Variants in TTLL11 observed in about 807,000 individuals in gnomAD.
TTLL11 encodes tubulin tyrosine ligase like 11.
A neutral mutation model predicts 51.7 loss-of-function variants in TTLL11; 42 were observed. That is an observed-to-expected ratio of 0.81 (90% CI 0.64 to 1.05). TTLL11 has a LOEUF of 1.05. Ranked by LOEUF, TTLL11 falls within the 50% of genes least tolerant of loss-of-function variation. The pLI, the probability that TTLL11 is intolerant of heterozygous loss-of-function variation, is 0.00. For missense variants in TTLL11, 799 were observed against 940.4 expected, an observed-to-expected ratio of 0.85 and a Z score of 1.97; for synonymous variants, 381 against 383.5, an observed-to-expected ratio of 0.99 and a Z score of 0.08.
chr9:121,892,455 T>C (rs1588101275), intron 6 of TTLL11, among the ~76,000 whole-genome samples: 1 of 152,140 alleles, frequency 6.6e-6, no homozygotes, highest in East Asian at 1.9e-4. Context: ...GAAAGGGGTT[T>C]CCCCTTATAA....
chr9:122,036,518 T>C (rs535182311), intron 2 of TTLL11, among the ~76,000 whole-genome samples: 1 of 152,022 alleles, frequency 6.6e-6, no homozygotes, highest in African/African-American at 2.4e-5. Flanking sequence ...ATTATTTTCA[T>C]AGAAAGTCTT....
chr9:121,839,769 A>G (rs7039454), intron 8 of TTLL11, among the ~76,000 whole-genome samples: 9,013 of 152,152 alleles, frequency 0.059, 744 homozygotes, highest in African/African-American at 0.19. Context: ...GGGGCCTTCT[A>G]GAATCTCCAG....
At chr9:121,909,577 C>T (rs1440718674) in intron 6 of TTLL11, among the ~76,000 whole-genome samples, 2 of 152,182 alleles carry the variant, frequency 1.3e-5, no homozygotes, top group East Asian at 3.8e-4. Flanking sequence ...CATTCGTCCT[C>T]CTTTGTTCAG....
chr9:121,997,370 C>A (rs1192124832), intron 3 of TTLL11, among the ~76,000 whole-genome samples: 1 of 152,140 alleles, frequency 6.6e-6, no homozygotes, highest in African/African-American at 2.4e-5. Flanking sequence ...CCCACTCCTT[C>A]CCCACAGTGC....
Position 121,900,023 on chromosome 9 carries a change from G to A in TTLL11, c.1482-29275C>T, listed in dbSNP as rs941883756. The stretch of plus-strand genomic sequence containing the variant: ...ACAGTAGCCAATGAGTGACAAGAAT[G>A]GCTCAAAAAGTACTTATGCCTAGTA... On this transcript the variant is annotated intron_variant, in intron 6 of 8. Transcript: ENST00000321582. 5.3e-5 allele frequency among the ~76,000 whole-genome samples: 8 copies of A among 152,302 alleles called. No homozygotes were observed. The East Asian group carries it at 1.2e-3, about 22-fold the overall frequency.
intron 3 of TTLL11, among the ~76,000 whole-genome samples, chr9:122,016,268 T>C (rs1292568286): frequency 4.6e-5 from 7 of 152,080 alleles, no homozygotes; most frequent in Non-Finnish European, 1.0e-4. Flanking sequence ...GAGTATCTAA[T>C]AAAAGGTTAA....
chr9:121,949,474 T>C (rs1050515754), intron 6 of TTLL11, among the ~76,000 whole-genome samples: 4 of 152,212 alleles, frequency 2.6e-5, no homozygotes, highest in South Asian at 2.1e-4. Flanking sequence ...ACAATGAGCA[T>C]AATAACTAAC....
chr9:122,003,035 C>T (rs1843524354), intron 3 of TTLL11, among the ~76,000 whole-genome samples: 1 of 151,428 alleles, frequency 6.6e-6, no homozygotes. Flanking sequence ...CTTAGGAAAA[C>T]CTCACCTATG....
chr9:122,025,902 A>C (rs1844318440), intron 3 of TTLL11, among the ~76,000 whole-genome samples: 1 of 152,218 alleles, frequency 6.6e-6, no homozygotes, highest in African/African-American at 2.4e-5. Flanking sequence ...GTCCTGCAGC[A>C]GGTGAAGGTC....
At chr9:121,955,917 A>C (rs952405362) in intron 6 of TTLL11, among the ~76,000 whole-genome samples, 1 of 152,234 alleles carries the variant, frequency 6.6e-6, no homozygotes, top group Non-Finnish European at 1.5e-5. Flanking sequence ...CCACAGTGAA[A>C]TTTGGGAGTG....
At chr9:121,960,980 A>G (rs762448845) in intron 6 of TTLL11, among the ~76,000 whole-genome samples, 1 of 152,192 alleles carries the variant, frequency 6.6e-6, no homozygotes, top group Non-Finnish European at 1.5e-5. Context: ...TCAGCTGCTT[A>G]AAGTGAAGGA....
intron 4 of TTLL11, among the ~76,000 whole-genome samples, chr9:121,982,067 A>G (rs2131674877): frequency 6.6e-6 from 1 of 152,262 alleles, no homozygotes; most frequent in South Asian, 2.1e-4. Flanking sequence ...ATTCTGCCCC[A>G]CAAATTCCAG....
At chr9:122,001,328 T>G (rs956147285) in intron 3 of TTLL11, among the ~76,000 whole-genome samples, 1 of 152,150 alleles carries the variant, frequency 6.6e-6, no homozygotes. Flanking sequence ...ACTCCTGACC[T>G]CAGGTGATCC....
rs60389551 is a variant in TTLL11 at position 121,909,769 on chromosome 9, C to T, written c.1482-39021G>A. Among the ~76,000 whole-genome samples, 325 of 152,248 alleles carry T rather than the reference C, an allele frequency of 2.1e-3. 1 individual carries two copies. Among genetic ancestry groups the T allele is most frequent in the African/African-American group, 7.4e-3 (308 of 41,550 alleles). ...AAGTGAGGGCCGGGCACTCAGCTCC[C>T]GCAGAGCATTCTGGGCAGGTTTCTA... On this transcript the variant is annotated intron_variant, in intron 6 of 8. Transcript: ENST00000321582.
At chr9:121,941,114 C>A (rs562761666) in intron 6 of TTLL11, among the ~76,000 whole-genome samples, 4 of 152,362 alleles carry the variant, frequency 2.6e-5, no homozygotes, top group Admixed American at 2.6e-4. Context: ...TCTGTAAAAA[C>A]TTTCATGTAA....
At chr9:121,914,755 C>T (rs1369701981) in intron 6 of TTLL11, among the ~76,000 whole-genome samples, 3 of 152,162 alleles carry the variant, frequency 2.0e-5, no homozygotes, top group Admixed American at 6.5e-5. Context: ...CTGCACACCA[C>T]GGTGCTGGGG....
intron 3 of TTLL11, among the ~76,000 whole-genome samples, chr9:122,026,026 G>A (rs925369276): frequency 9.2e-5 from 14 of 152,044 alleles, no homozygotes; most frequent in African/African-American, 3.1e-4. Context: ...GACCTCCCCC[G>A]AAAAAGGAGT....
At chr9:121,970,056 G>A (rs1020784580) in intron 6 of TTLL11, among the ~76,000 whole-genome samples, 2 of 152,174 alleles carry the variant, frequency 1.3e-5, no homozygotes, top group Non-Finnish European at 2.9e-5. Context: ...AGTAAATGGC[G>A]TTAGCTATTA....
chr9:121,847,275 G>C (rs893624357), intron 8 of TTLL11, among the ~76,000 whole-genome samples: 3 of 148,856 alleles, frequency 2.0e-5, no homozygotes, highest in Non-Finnish European at 4.5e-5. Context: ...AAGCAATAGA[G>C]AAAATCTATA....
Sources: gnomAD v4.1 joint callset for allele counts (sites outside exome capture counted in the v4.1 genomes callset) on GRCh38, gnomAD v4.1.1 for gene constraint, MANE v1.5 for transcripts, NCBI Gene and HGNC (gene_info 2026-07-23, HGNC 2026-07-21) for gene names.